The following B3GALT1 variants were observed in gnomAD, a reference collection of about 807,000 sequenced individuals.
B3GALT1 encodes beta-1,3-galactosyltransferase 1.
Under a neutral mutation model 23.2 loss-of-function variants are expected in B3GALT1, and 10 were observed. That is an observed-to-expected ratio of 0.43 (90% CI 0.27 to 0.73). The LOEUF is 0.73. B3GALT1 is among the 30% of genes least tolerant of loss of function. The pLI, the probability that B3GALT1 is intolerant of heterozygous loss-of-function variation, is 0.21. For synonymous variants in B3GALT1, 156 were observed against 141.5 expected, an observed-to-expected ratio of 1.10 and a Z score of -0.73; for missense variants, 299 against 405.4, an observed-to-expected ratio of 0.74 and a Z score of 2.25.
chr2:167,609,372 G>C (rs1340690276), intron 2 of B3GALT1, among the ~76,000 whole-genome samples: 1 of 152,062 alleles, frequency 6.6e-6, no homozygotes, highest in Non-Finnish European at 1.5e-5. Context: ...GGATCCTTTT[G>C]GCCATAAATA....
At chr2:167,355,551 G>T (rs1697387489) in intron 1 of B3GALT1, among the ~76,000 whole-genome samples, 1 of 151,978 alleles carries the variant, frequency 6.6e-6, no homozygotes, top group Non-Finnish European at 1.5e-5. Context: ...AACTATCTAG[G>T]CTATTTAAAT....
chr2:167,762,769 A>C (rs929815773), intron 3 of B3GALT1, among the ~76,000 whole-genome samples: 2 of 152,166 alleles, frequency 1.3e-5, no homozygotes, highest in East Asian at 3.8e-4. Context: ...GAGGAATTTG[A>C]ATTGAACATT....
At chr2:167,350,177 A>G (rs1452595636) in intron 1 of B3GALT1, among the ~76,000 whole-genome samples, 1 of 152,210 alleles carries the variant, frequency 6.6e-6, no homozygotes, top group African/African-American at 2.4e-5. Flanking sequence ...GCCCAGAATC[A>G]TAATGCTAAG....
intron 3 of B3GALT1, among the ~76,000 whole-genome samples, chr2:167,774,490 T>TTG (rs1558974756): frequency 1.1e-5 from 1 of 89,636 alleles, no homozygotes; most frequent in Non-Finnish European, 2.0e-5. Context: ...TTTTTGTTTT[T>TTG]TTTTTTGTTT....
intron 2 of B3GALT1, among the ~76,000 whole-genome samples, chr2:167,570,262 G>T (rs531058483): frequency 1.4e-4 from 22 of 151,934 alleles, no homozygotes; most frequent in Non-Finnish European, 2.4e-4. Context: ...TAAATGTTTG[G>T]TAGAATTCAT....
At chr2:167,670,425 A>G (rs542687955) in intron 3 of B3GALT1, among the ~76,000 whole-genome samples, 45 of 152,338 alleles carry the variant, frequency 3.0e-4, no homozygotes, top group African/African-American at 9.6e-4. Context: ...AAACCAGTCA[A>G]TAAAGACTGG....
At chr2:167,789,179 C>T (rs1201440212) in intron 3 of B3GALT1, among the ~76,000 whole-genome samples, 1 of 152,214 alleles carries the variant, frequency 6.6e-6, no homozygotes, top group African/African-American at 2.4e-5. Context: ...CACTACATCA[C>T]TTCTAGTTTT....
intron 1 of B3GALT1, among the ~76,000 whole-genome samples, chr2:167,319,664 A>G (rs1476255876): frequency 2.6e-5 from 4 of 152,120 alleles, no homozygotes; most frequent in Non-Finnish European, 5.9e-5. Context: ...AACTCAAAAG[A>G]AGAAACATTT....
At chr2:167,751,065 A>G (rs1264659300) in intron 3 of B3GALT1, among the ~76,000 whole-genome samples, 1 of 152,190 alleles carries the variant, frequency 6.6e-6, no homozygotes, top group Non-Finnish European at 1.5e-5. Context: ...CAACATATAA[A>G]TGAATGAGCT....
At chr2:167,746,001 T>G (rs1687646351) in intron 3 of B3GALT1, among the ~76,000 whole-genome samples, 1 of 152,202 alleles carries the variant, frequency 6.6e-6, no homozygotes, top group African/African-American at 2.4e-5. Context: ...CATAATGGTA[T>G]CAGATCTAAG....
chr2:167,367,930 G>C (rs572660118), intron 1 of B3GALT1, among the ~76,000 whole-genome samples: 1 of 152,160 alleles, frequency 6.6e-6, no homozygotes. Flanking sequence ...GACTTCAAAA[G>C]CAAGAGTTTT....
chr2:167,537,854 CA>C (rs1236247926), intron 2 of B3GALT1, among the ~76,000 whole-genome samples: 1 of 139,874 alleles, frequency 7.1e-6, no homozygotes, highest in Non-Finnish European at 1.5e-5. Flanking sequence ...GACAGAGTCT[CA>C]TTCTGTCGCC....
intron 3 of B3GALT1, among the ~76,000 whole-genome samples, chr2:167,706,842 C>T (rs751516794): frequency 1.6e-4 from 24 of 152,362 alleles, no homozygotes; most frequent in Non-Finnish European, 2.9e-4. Flanking sequence ...ACTTGCCATT[C>T]CTTACCAAGG....
Position 167,713,860 on chromosome 2 carries a change from T to C in B3GALT1, c.-352+66894T>C, listed in dbSNP as rs1334949300. 2.5e-6 allele frequency: 4 copies of C among 1,591,280 alleles called. No homozygotes were observed. The African/African-American group carries it at 4.0e-5, about 16-fold the overall frequency. On this transcript the variant is annotated intron_variant, in intron 3 of 4. Transcript: ENST00000392690. ...GTGGTGGACCTGGGAAATCCCTTGA[T>C]AGAAAATAACCTCGTGAAGCTCCAA...
intron 1 of B3GALT1, among the ~76,000 whole-genome samples, chr2:167,465,102 GT>G (rs1467273018): frequency 3.3e-5 from 5 of 152,156 alleles, no homozygotes; most frequent in African/African-American, 1.2e-4. Flanking sequence ...TTTCTAAGCT[GT>G]AATGTGAAGA....
chr2:167,744,959 T>A (rs1687631262), intron 3 of B3GALT1, among the ~76,000 whole-genome samples: 1 of 152,248 alleles, frequency 6.6e-6, no homozygotes, highest in African/African-American at 2.4e-5. Flanking sequence ...CTGATTTTTT[T>A]ATTGGCAATT....
intron 1 of B3GALT1, among the ~76,000 whole-genome samples, chr2:167,370,091 A>AT (rs928502490): frequency 1.3e-5 from 2 of 151,910 alleles, no homozygotes; most frequent in African/African-American, 4.8e-5. Flanking sequence ...AGTTACTCTT[A>AT]TTTTTTTTAA....
chr2:167,698,085 C>G (rs186059435), intron 3 of B3GALT1, among the ~76,000 whole-genome samples: 1 of 152,244 alleles, frequency 6.6e-6, no homozygotes, highest in East Asian at 1.9e-4. Context: ...TATGCCAGCG[C>G]TATGGTTTCT....
intron 1 of B3GALT1, among the ~76,000 whole-genome samples, chr2:167,458,194 A>G (rs1699200387): frequency 6.6e-6 from 1 of 152,182 alleles, no homozygotes; most frequent in African/African-American, 2.4e-5. Flanking sequence ...CCTCATATAT[A>G]AGTGGAATCT....
Sources: allele counts gnomAD v4.1 joint callset (sites outside exome capture counted in the v4.1 genomes callset), GRCh38; gene constraint gnomAD v4.1.1; transcripts MANE v1.5; gene names NCBI Gene and HGNC (gene_info 2026-07-23, HGNC 2026-07-21).